The following FBP1 variants were observed in gnomAD, a reference collection of about 807,000 sequenced individuals.
The protein encoded by FBP1 is fructose-1,6-bisphosphatase 1.
FBP1 carries 22 observed loss-of-function variants against 29.9 expected under a neutral mutation model. The observed-to-expected ratio is 0.74, with a 90% CI of 0.53 to 1.05. The LOEUF (loss-of-function observed/expected upper bound fraction) is 1.05. Among genes scored for constraint, FBP1 ranks in the 50% least tolerant of loss-of-function variants. The probability of loss-of-function intolerance (pLI) is 0.00; values close to 1 mark genes in which losing one functional copy is unlikely to be tolerated. For synonymous variants in FBP1, 175 were observed against 178.6 expected (o/e 0.98, Z 0.16); for missense variants, 345 against 448.2 (o/e 0.77, Z 2.08).
At chr9:94,606,036 T>TGTGC (rs372863700) in intron 5 of FBP1, among the ~76,000 whole-genome samples, 522 of 152,144 alleles carry the variant, frequency 3.4e-3, no homozygotes, top group African/African-American at 0.012. Flanking sequence ...CGGGTGTGCG[T>TGTGC]GTGCGGAGCT....
intron 1 of FBP1, among the ~76,000 whole-genome samples, chr9:94,637,156 A>C (rs1215074240): frequency 2.0e-5 from 3 of 152,198 alleles, no homozygotes; most frequent in African/African-American, 7.2e-5. Context: ...ACAGTAATGG[A>C]GTCATCACCT....
At chr9:94,619,505 G>A (rs1459071307) in intron 2 of FBP1, among the ~76,000 whole-genome samples, 2 of 152,032 alleles carry the variant, frequency 1.3e-5, no homozygotes, top group African/African-American at 2.4e-5. Context: ...TTGTTGTTGA[G>A]GCCCTCCAAT....
At chr9:94,634,788 C>T (rs1828166612) in intron 1 of FBP1, among the ~76,000 whole-genome samples, 1 of 152,154 alleles carries the variant, frequency 6.6e-6, no homozygotes, top group South Asian at 2.1e-4. Flanking sequence ...TGGCTAAACC[C>T]TGTCTCTACT....
chr9:94,603,533 T>A lies in FBP1; in HGVS notation c.865A>T (p.Met289Leu), dbSNP rs145771944. ...LYECNPMAYV[M>L]EKAGGMATTG... is the part of the protein sequence containing the mutation. ...GTGGCCATTCCCCCAGCCTTCTCCA[T>A]GACGTAGGCCATGGGGTTGCATTCG... Residue 289 changes from methionine (M) to leucine (L), a missense_variant, in exon 7 of 7, where the codon ATG becomes TTG. Coordinates refer to ENST00000375326, the MANE Select transcript of FBP1 (RefSeq NM_000507.4). 6.3e-4 allele frequency: 1,018 copies of A among 1,614,152 alleles called. 1 individual carries two copies. The African/African-American group carries it at 0.012, about 19-fold the overall frequency.
At position 94,617,998 on chromosome 9, in the gene FBP1, AG is replaced by A. The variant is rs1827888658; in HGVS notation, c.334-139del. 12 of 699,092 alleles carry A rather than the reference AG, an allele frequency of 1.7e-5. No individual in the cohort carries two copies. The South Asian group carries it at 1.8e-4, about 10-fold the overall frequency. The allele number at this position is 699,092 out of a possible 1,614,324, so 43.3% of individuals were successfully genotyped here. On this transcript the variant is annotated intron_variant, in intron 2 of 6. Coordinates refer to ENST00000375326, the MANE Select transcript of FBP1 (RefSeq NM_000507.4). ...TCTTATTTATTTGTACTGTCATGGAAGGCATGAGATGGCATACAGAATGCAC... is the reference window on the plus strand; with the variant it reads ...TCTTATTTATTTGTACTGTCATGGAAGCATGAGATGGCATACAGAATGCAC...
chr9:94,633,423 T>A (rs1319491313), intron 1 of FBP1, among the ~76,000 whole-genome samples: 1 of 152,228 alleles, frequency 6.6e-6, no homozygotes, highest in Non-Finnish European at 1.5e-5. Context: ...TCCTTTTCTA[T>A]ACCCCCAAAA....
intron 3 of FBP1, among the ~76,000 whole-genome samples, chr9:94,614,516 G>A (rs1234732212): frequency 6.6e-6 from 1 of 152,162 alleles, no homozygotes; most frequent in Non-Finnish European, 1.5e-5. Context: ...CTCCAGCCTG[G>A]GCGACAGAGA....
At chr9:94,615,150 C>T (rs1291344118) in intron 3 of FBP1, among the ~76,000 whole-genome samples, 12 of 152,144 alleles carry the variant, frequency 7.9e-5, no homozygotes, top group Admixed American at 5.9e-4. Flanking sequence ...CCTCGTGATC[C>T]GCCCGCCTGG....
intron 2 of FBP1, among the ~76,000 whole-genome samples, 173 bp downstream of exon 2, chr9:94,620,156 C>T (rs1741785031): frequency 6.6e-6 from 1 of 152,152 alleles, no homozygotes; most frequent in Admixed American, 6.5e-5. Flanking sequence ...TGCACAGTGG[C>T]TCAGGGAGGA....
At chr9:94,617,735 C>T in intron 3 of FBP1, 33 bp downstream of exon 3, 2 of 1,431,238 alleles carry the variant, frequency 1.4e-6, no homozygotes, top group Non-Finnish European at 2.0e-6. Context: ...AACTTCTGTC[C>T]CCAAACCAAG....
intron 1 of FBP1, among the ~76,000 whole-genome samples, chr9:94,636,833 C>T (rs993837544): frequency 1.6e-4 from 25 of 151,894 alleles, no homozygotes; most frequent in African/African-American, 2.4e-5. Context: ...GGATTACAGG[C>T]GCCTGCCACC....
intron 1 of FBP1, among the ~76,000 whole-genome samples, chr9:94,627,286 C>T (rs893687882): frequency 6.6e-6 from 1 of 150,914 alleles, no homozygotes; most frequent in African/African-American, 2.4e-5. Flanking sequence ...ACCCGGGAGG[C>T]GGAGGTTGCA....
intron 1 of FBP1, among the ~76,000 whole-genome samples, chr9:94,638,787 C>T (rs1257527540): frequency 7.2e-5 from 11 of 152,304 alleles, no homozygotes; most frequent in South Asian, 6.2e-4. Flanking sequence ...CTGTCTGAGG[C>T]TAGGGCGGGT....
intron 1 of FBP1, among the ~76,000 whole-genome samples, chr9:94,638,273 G>A (rs7019207): frequency 0.11 from 16,170 of 152,090 alleles, 1,057 homozygotes; most frequent in East Asian, 0.25. Context: ...ACCCACCACA[G>A]GAGAACTTCT....
At chr9:94,627,959 C>T (rs1828048970) in intron 1 of FBP1, among the ~76,000 whole-genome samples, 1 of 152,256 alleles carries the variant, frequency 6.6e-6, no homozygotes, top group African/African-American at 2.4e-5. Context: ...CCCTCCCCTG[C>T]TCTGCCCCTC....
At chr9:94,636,260 G>A (rs961838933) in intron 1 of FBP1, among the ~76,000 whole-genome samples, 4 of 151,888 alleles carry the variant, frequency 2.6e-5, no homozygotes, top group African/African-American at 4.8e-5. Context: ...TGGGCAGATC[G>A]CTTGAGCCCA....
intron 1 of FBP1, among the ~76,000 whole-genome samples, chr9:94,637,712 T>C (rs1306634131): frequency 3.3e-5 from 5 of 152,118 alleles, no homozygotes; most frequent in Non-Finnish European, 7.4e-5. Context: ...ATTTTTATAG[T>C]GTGCATAAGT....
At chr9:94,607,849 G>A (rs1405281955) in intron 4 of FBP1, among the ~76,000 whole-genome samples, 4 of 152,084 alleles carry the variant, frequency 2.6e-5, no homozygotes. Flanking sequence ...GGAATACGTT[G>A]AAACCAGACA....
upstream of FBP1, among the ~76,000 whole-genome samples, chr9:94,639,763 G>A (rs1563992044): frequency 6.8e-6 from 1 of 147,364 alleles, no homozygotes; most frequent in Non-Finnish European, 1.5e-5. Flanking sequence ...CACCCGCACT[G>A]TGGAGCGGGA....
Sources: gnomAD v4.1 joint callset for allele counts (sites outside exome capture counted in the v4.1 genomes callset) on GRCh38, gnomAD v4.1.1 for gene constraint, MANE v1.5 for transcripts, NCBI Gene and HGNC (gene_info 2026-07-23, HGNC 2026-07-21) for gene names.